GAREM1: variants seen among roughly 807,000 people sequenced by gnomAD.
The protein encoded by GAREM1 is GRB2 associated regulator of MAPK1 subtype 1.
A neutral mutation model predicts 71.3 loss-of-function variants in GAREM1; 26 were observed. That is an observed-to-expected ratio of 0.36 (90% CI 0.27 to 0.51). The LOEUF (loss-of-function observed/expected upper bound fraction) is 0.51. Among genes scored for constraint, GAREM1 ranks in the 20% least tolerant of loss-of-function variants. GAREM1 has a pLI of 0.95. For synonymous variants in GAREM1, 440 were observed against 433.2 expected, an observed-to-expected ratio of 1.02 and a Z score of -0.20; for missense variants, 1,026 against 1,103.1, an observed-to-expected ratio of 0.93 and a Z score of 0.99.
intron 2 of GAREM1, among the ~76,000 whole-genome samples, chr18:32,359,870 G>A (rs1296284036): frequency 6.6e-6 from 1 of 151,922 alleles, no homozygotes; most frequent in Non-Finnish European, 1.5e-5. Flanking sequence ...AGGCTGCAGT[G>A]AGCTGTGATT....
chr18:32,274,436 A>C (rs2041510000), intron 4 of GAREM1, among the ~76,000 whole-genome samples: 1 of 152,172 alleles, frequency 6.6e-6, no homozygotes, highest in Admixed American at 6.5e-5. Context: ...TATTCAATTT[A>C]GCTTTTAAGT....
rs2049040135 is a variant in GAREM1, at chr18:32,470,337, C to G, written c.92G>C (p.Arg31Pro). The G allele has an allele frequency of 6.4e-7, 1 of 1,565,274 alleles. No homozygotes were observed. Among genetic ancestry groups the G allele is most frequent in the South Asian group, 1.2e-5 (1 of 85,572 alleles). Residue 31 changes from arginine (R) to proline (P), a missense_variant, in exon 1 of 6, where the codon CGG becomes CCG. By Grantham distance (103) the Arg-to-Pro change is moderately radical. This residue lies in a region of GAREM1 where 172 missense variants were observed against 175.2 expected (regional missense o/e 0.98). Coordinates refer to ENST00000269209, the MANE Select transcript of GAREM1 (RefSeq NM_001242409.2). The surrounding 1 kb of genome is among the most constrained non-coding windows in gnomAD (Gnocchi z 4.4). ...GTCCAGGCGCGCGATCTGGGGCAGC[C>G]GGTAAGTGCTGACCAGGAGGTCGAG... is the stretch of plus-strand genomic sequence containing the variant. ...VPLDLLVSTY[R>P]LPQIARLDNG...
At chr18:32,280,216 C>G (rs2041595243) in intron 4 of GAREM1, among the ~76,000 whole-genome samples, 2 of 152,094 alleles carry the variant, frequency 1.3e-5, no homozygotes, top group South Asian at 4.1e-4. Flanking sequence ...AGCCCAAAGA[C>G]AAAATAAAAT....
intron 1 of GAREM1, among the ~76,000 whole-genome samples, chr18:32,447,079 T>C (rs2048792048): frequency 6.6e-6 from 1 of 152,238 alleles, no homozygotes; most frequent in Admixed American, 6.5e-5. Context: ...TTTAAAACTA[T>C]ATACACTGTT....
chr18:32,296,367 T>C (rs1317023448), intron 3 of GAREM1, among the ~76,000 whole-genome samples: 1 of 152,244 alleles, frequency 6.6e-6, no homozygotes, highest in African/African-American at 2.4e-5. Context: ...TATGTGACCA[T>C]GGCATGTTTA....
chr18:32,267,662 C>T lies in GAREM1; in HGVS notation c.*209G>A, dbSNP rs2041392676. On this transcript the variant is annotated 3_prime_UTR_variant, in exon 6 of 6. Coordinates refer to ENST00000269209, the MANE Select transcript of GAREM1 (RefSeq NM_001242409.2). ...AGTGTTTGTTGAGTGACGTACAAGG[C>T]ACACCTCCAAGTGTTCTGTACAGCA... 1 of 503,416 alleles carries T rather than the reference C, an allele frequency of 2.0e-6. No individual in the cohort carries two copies. Among genetic ancestry groups the T allele is most frequent in the Non-Finnish European group, 3.5e-6 (1 of 287,328 alleles). 31.2% of individuals were successfully genotyped at this position (503,416 alleles called of 1,614,324 possible).
chr18:32,322,815 C>T (rs2047442610), intron 2 of GAREM1, among the ~76,000 whole-genome samples: 1 of 152,184 alleles, frequency 6.6e-6, no homozygotes, highest in African/African-American at 2.4e-5. Context: ...TTACCAGAGT[C>T]TATTCACCGA....
intron 2 of GAREM1, among the ~76,000 whole-genome samples, chr18:32,373,025 G>C (rs905657323): frequency 6.6e-6 from 1 of 152,128 alleles, no homozygotes; most frequent in African/African-American, 2.4e-5. Context: ...GACATCAGAG[G>C]AACATGTTTG....
intron 4 of GAREM1, among the ~76,000 whole-genome samples, chr18:32,285,867 C>T (rs770604649): frequency 5.3e-5 from 8 of 152,168 alleles, no homozygotes; most frequent in Non-Finnish European, 1.2e-4. Context: ...TTCTGCATAG[C>T]CCCAGGGTTC....
intron 2 of GAREM1, among the ~76,000 whole-genome samples, chr18:32,312,418 G>C (rs974509053): frequency 3.9e-5 from 6 of 152,106 alleles, no homozygotes; most frequent in African/African-American, 1.2e-4. Context: ...GCTGCTTACA[G>C]GACAGTGAAA....
intron 1 of GAREM1, among the ~76,000 whole-genome samples, chr18:32,406,862 G>T (rs1188929494): frequency 1.3e-5 from 2 of 152,102 alleles, no homozygotes; most frequent in African/African-American, 2.4e-5. Context: ...TGAAGAGGAA[G>T]GAACAGACAC....
intron 3 of GAREM1, among the ~76,000 whole-genome samples, chr18:32,305,444 A>ATATC (rs2047244427): frequency 1.3e-5 from 2 of 152,304 alleles, no homozygotes; most frequent in South Asian, 4.1e-4. Flanking sequence ...TTTCTCAAAC[A>ATATC]TATCTATCTC....
chr18:32,393,694 T>C (rs756367118), intron 1 of GAREM1, among the ~76,000 whole-genome samples: 7 of 152,242 alleles, frequency 4.6e-5, no homozygotes, highest in Non-Finnish European at 8.8e-5. Context: ...TTAAAAATAA[T>C]GATTTATAGC....
intron 2 of GAREM1, among the ~76,000 whole-genome samples, chr18:32,364,655 A>T (rs1371783110): frequency 6.6e-6 from 1 of 152,248 alleles, no homozygotes; most frequent in Admixed American, 6.5e-5. Context: ...CAGTGTTAAC[A>T]TATTTCTAGT....
At chr18:32,363,416 T>C (rs922389922) in intron 2 of GAREM1, among the ~76,000 whole-genome samples, 1 of 152,228 alleles carries the variant, frequency 6.6e-6, no homozygotes, top group African/African-American at 2.4e-5. Context: ...TATAGTTAAC[T>C]ATCCTGCTTA....
chr18:32,359,271 T>C (rs2047837451), intron 2 of GAREM1, among the ~76,000 whole-genome samples: 1 of 152,184 alleles, frequency 6.6e-6, no homozygotes, highest in Non-Finnish European at 1.5e-5. Context: ...TTTCTAACTC[T>C]TGGAGCAGTT....
At chr18:32,436,696 G>A (rs971633986) in intron 1 of GAREM1, among the ~76,000 whole-genome samples, 1 of 152,026 alleles carries the variant, frequency 6.6e-6, no homozygotes, top group African/African-American at 2.4e-5. Context: ...ATTAAAGGTA[G>A]GATAATAGTT....
rs78142056 is a variant in GAREM1, at chr18:32,285,511, C to T, written c.1566+1520G>A. On this transcript the variant is annotated intron_variant, in intron 4 of 5. Coordinates refer to ENST00000269209, the MANE Select transcript of GAREM1 (RefSeq NM_001242409.2). ...TGCTTAAAGCTGCCCCAGCTTCCAG[C>T]TCGTTGCTCATGCTGCTCTGTCCGG... Among the ~76,000 whole-genome samples, 292 of 152,340 alleles carry T rather than the reference C, an allele frequency of 1.9e-3. 9 individuals are homozygous for T. In the East Asian group the frequency reaches 0.045, roughly 24 times the overall value.
chr18:32,354,783 T>C (rs1285652532), intron 2 of GAREM1, among the ~76,000 whole-genome samples: 1 of 152,172 alleles, frequency 6.6e-6, no homozygotes, highest in Non-Finnish European at 1.5e-5. Flanking sequence ...TTATTGACTG[T>C]TTAAATGAAT....
Sources: allele counts gnomAD v4.1 joint callset (sites outside exome capture counted in the v4.1 genomes callset), GRCh38; gene constraint gnomAD v4.1.1; regional missense constraint gnomAD v4.1.1; non-coding constraint Gnocchi (gnomAD v3.1); transcripts MANE v1.5; gene names NCBI Gene and HGNC (gene_info 2026-07-23, HGNC 2026-07-21).